Variants in FAM90A20 observed in about 807,000 individuals in gnomAD.
FAM90A20 encodes the protein protein FAM90A20.
chr8:7,296,458 T>A, the FAM90A20 span: 8 of 700,180 alleles, frequency 1.1e-5, 1 homozygote, highest in South Asian at 1.1e-4. Flanking sequence ...TTGATTTCCT[T>A]TCAGCTTCCC....
chr8:7,297,363 C>G, the FAM90A20 span: 1 of 1,468,768 alleles, frequency 6.8e-7, no homozygotes, highest in Non-Finnish European at 9.3e-7. Flanking sequence ...CAGGCTGCCT[C>G]CAAAACCCAC....
the FAM90A20 span, chr8:7,297,081 C>T: frequency 5.3e-6 from 8 of 1,508,696 alleles, no homozygotes; most frequent in East Asian, 4.5e-5. Flanking sequence ...GGGCCAATGC[C>T]GGTCCACACA....
chr8:7,297,071 G>A, the FAM90A20 span: 26 of 1,506,636 alleles, frequency 1.7e-5, 3 homozygotes, highest in East Asian at 2.3e-5. Flanking sequence ...GGTTGCAAGG[G>A]GGCCAATGCC....
At chr8:7,296,939 G>A in the FAM90A20 span, 22 of 838,178 alleles carry the variant, frequency 2.6e-5, 3 homozygotes, top group Non-Finnish European at 4.0e-5. Flanking sequence ...TACTTCCAAG[G>A]ACCGCCTGTC....
the FAM90A20 span, chr8:7,295,650 G>A: frequency 2.9e-6 from 2 of 691,232 alleles, 1 homozygote; most frequent in African/African-American, 6.6e-5. Context: ...AAAAACTGCG[G>A]GGCCTTTGGC....
the FAM90A20 span, among the ~76,000 whole-genome samples, chr8:7,296,911 A>T: frequency 2.9e-5 from 4 of 137,266 alleles, no homozygotes; most frequent in Admixed American, 6.7e-5. Flanking sequence ...ATCAGCACTC[A>T]GGTGGAGGGT....
At chr8:7,296,153 G>A in the FAM90A20 span, 12 of 601,864 alleles carry the variant, frequency 2.0e-5, 2 homozygotes, top group Non-Finnish European at 2.6e-5. Flanking sequence ...CGTGAGGGAA[G>A]GTGCAGAGGC....
chr8:7,297,280 C>G, the FAM90A20 span: 4 of 1,370,710 alleles, frequency 2.9e-6, 1 homozygote, highest in Non-Finnish European at 4.1e-6. Flanking sequence ...CAGTCAGGCA[C>G]CAGGTCCACG....
At chr8:7,295,578 C>A in the FAM90A20 span, 6 of 669,410 alleles carry the variant, frequency 9.0e-6, no homozygotes, top group Non-Finnish European at 1.6e-5. Flanking sequence ...AACGTGGGAT[C>A]GCTGCCTGTG....
the FAM90A20 span, chr8:7,296,178 A>T: frequency 6.8e-4 from 440 of 646,890 alleles, 41 homozygotes; most frequent in South Asian, 6.5e-3. Context: ...AGGGCACCAG[A>T]TTTCCATTTC....
At chr8:7,296,471 C>T in the FAM90A20 span, 3 of 685,506 alleles carry the variant, frequency 4.4e-6, 1 homozygote, top group African/African-American at 5.2e-5. Context: ...AGCTTCCCGT[C>T]TGCGGGAGGA....
chr8:7,297,628 T>A, the FAM90A20 span: 1 of 1,405,198 alleles, frequency 7.1e-7, no homozygotes, highest in Non-Finnish European at 9.7e-7. Flanking sequence ...ATCTCCAACC[T>A]CCACCAGCCG....
At chr8:7,296,506 C>G in the FAM90A20 span, 26 of 644,562 alleles carry the variant, frequency 4.0e-5, 4 homozygotes, top group South Asian at 3.8e-4. Context: ...TCTTTCTTGT[C>G]TTCTTGGGGT....
chr8:7,296,084 A>G, the FAM90A20 span, among the ~76,000 whole-genome samples: 39 of 130,602 alleles, frequency 3.0e-4, 6 homozygotes, highest in Admixed American at 1.7e-3. Context: ...AATGGAATCC[A>G]AATCACAGTC....
the FAM90A20 span, chr8:7,297,676 C>T: frequency 5.0e-6 from 7 of 1,390,090 alleles, no homozygotes; most frequent in Non-Finnish European, 5.9e-6. Context: ...CCCAGATGGG[C>T]AGGAGGACAC....
At chr8:7,297,235 A>G in the FAM90A20 span, 4 of 1,504,480 alleles carry the variant, frequency 2.7e-6, 1 homozygote, top group Non-Finnish European at 3.6e-6. Flanking sequence ...CAAAGGAAAG[A>G]CAGACAGGGG....
the FAM90A20 span, chr8:7,297,585 C>T: frequency 4.0e-6 from 6 of 1,505,214 alleles, no homozygotes; most frequent in Middle Eastern, 2.3e-4. Flanking sequence ...CCCGAAAGCA[C>T]CATCCAGGGA....
At chr8:7,296,114 G>C in the FAM90A20 span, among the ~76,000 whole-genome samples, 1 of 131,062 alleles carries the variant, frequency 7.6e-6, no homozygotes, top group African/African-American at 4.0e-5. Flanking sequence ...GAAGCCTAGA[G>C]GGCCACCTGG....
chr8:7,295,586 G>A, the FAM90A20 span: 3 of 665,236 alleles, frequency 4.5e-6, no homozygotes, highest in South Asian at 1.5e-5. Context: ...ATCGCTGCCT[G>A]TGGCTTCAGC....
Sources: gnomAD v4.1 joint callset for allele counts (sites outside exome capture counted in the v4.1 genomes callset) on GRCh38, gnomAD v4.1.1 for gene constraint, MANE v1.5 for transcripts, NCBI Gene and HGNC (gene_info 2026-07-23, HGNC 2026-07-21) for gene names.